Variants in TMEM63C observed in about 807,000 individuals in gnomAD.
TMEM63C encodes the protein osmosensitive cation channel TMEM63C.
Under a neutral mutation model 99.2 loss-of-function variants are expected in TMEM63C, and 32 were observed. That is an observed-to-expected ratio of 0.32 (90% CI 0.24 to 0.43). The LOEUF is 0.43. TMEM63C is among the 20% of genes least tolerant of loss of function. The probability of loss-of-function intolerance (pLI) is 1.00; values close to 1 mark genes in which losing one functional copy is unlikely to be tolerated. For synonymous variants in TMEM63C, 376 were observed against 397.9 expected, an observed-to-expected ratio of 0.94 and a Z score of 0.66; for missense variants, 826 against 1,053.0, an observed-to-expected ratio of 0.78 and a Z score of 2.98.
chr14:77,233,027 G>T (rs1427106656), intron 7 of TMEM63C, among the ~76,000 whole-genome samples: 1 of 152,188 alleles, frequency 6.6e-6, no homozygotes, highest in Non-Finnish European at 1.5e-5. Context: ...TTATAAGGGG[G>T]TGTCTGAACC....
At chr14:77,221,447 A>C (rs555899951) in intron 5 of TMEM63C, among the ~76,000 whole-genome samples, 2 of 12,542 alleles carry the variant, frequency 1.6e-4, no homozygotes, top group Non-Finnish European at 1.3e-4. Context: ...CTCACCTCCC[A>C]CTCACACCTC....
intron 1 of TMEM63C, among the ~76,000 whole-genome samples, chr14:77,192,868 C>G (rs1048498081): frequency 9.5e-5 from 14 of 147,904 alleles, no homozygotes; most frequent in South Asian, 6.3e-4. Flanking sequence ...AGAAGAAGAA[C>G]AACAACAACA....
At chr14:77,229,632 A>ATATATATATATATAT (rs59641845) in intron 6 of TMEM63C, among the ~76,000 whole-genome samples, 34 of 144,072 alleles carry the variant, frequency 2.4e-4, no homozygotes, top group Non-Finnish European at 3.5e-4. Context: ...ATATATATAT[A>ATATATATATATATAT]GTAGAGATGG....
intron 2 of TMEM63C, among the ~76,000 whole-genome samples, chr14:77,216,459 T>C (rs901801698): frequency 6.6e-6 from 1 of 152,204 alleles, no homozygotes; most frequent in Non-Finnish European, 1.5e-5. Flanking sequence ...TCCAGTCTCT[T>C]TTCTGAACTG....
intron 1 of TMEM63C, among the ~76,000 whole-genome samples, chr14:77,206,757 G>A (rs1888409518): frequency 6.6e-6 from 1 of 152,148 alleles, no homozygotes; most frequent in Admixed American, 6.5e-5. Context: ...TCAATCTCAA[G>A]CCTTCCTTTT....
chr14:77,247,415 G>T (rs1336723489), intron 18 of TMEM63C, among the ~76,000 whole-genome samples: 1 of 152,060 alleles, frequency 6.6e-6, no homozygotes, highest in Non-Finnish European at 1.5e-5. Flanking sequence ...TGGCCAGGCT[G>T]GTCTCGAACT....
rs572385668 is a variant in TMEM63C, at chr14:77,188,897, A to G, written c.-77+7003A>G. On this transcript the variant is annotated intron_variant, in intron 1 of 23. Coordinates refer to ENST00000298351, the MANE Select transcript of TMEM63C (RefSeq NM_020431.4). ...TCAACCTCAATATCTGCAAGAATAG[A>G]ATAATGAATAAAACTATGATACTGT... Among the ~76,000 whole-genome samples the G allele has an allele frequency of 2.0e-5, 3 of 152,304 alleles. No homozygotes were observed. The South Asian group carries it at 6.2e-4, about 32-fold the overall frequency.
rs1889150142 is a variant in TMEM63C at position 77,240,569 on chromosome 14, T to A, written c.1025T>A (p.Leu342Gln). Residue 342 changes from leucine to glutamine, a missense_variant, in exon 13 of 24, where the codon CTG (leucine) becomes CAG (glutamine). Coordinates refer to ENST00000298351, the MANE Select transcript of TMEM63C (RefSeq NM_020431.4). ...CGCGTGCCGCTCAAGCGGCTGGACC[T>A]GATCTTTGTCACCTTCCAGGACTCC... ...LNRVPLKRLD[L>Q]IFVTFQDSRM... 1 of 1,611,404 alleles carries A rather than the reference T, an allele frequency of 6.2e-7. No individual in the cohort carries two copies. Among genetic ancestry groups the A allele is most frequent in the Non-Finnish European group, 8.5e-7 (1 of 1,179,880 alleles).
intron 1 of TMEM63C, among the ~76,000 whole-genome samples, chr14:77,202,739 C>T (rs145635407): frequency 3.5e-4 from 54 of 152,224 alleles, no homozygotes; most frequent in African/African-American, 1.2e-3. Context: ...CATGCTTCCA[C>T]GTGGACATGC....
intron 1 of TMEM63C, among the ~76,000 whole-genome samples, chr14:77,209,069 A>G (rs1202967145): frequency 2.6e-5 from 4 of 152,158 alleles, no homozygotes; most frequent in African/African-American, 9.7e-5. Context: ...TATGAAGAGG[A>G]CAGCAAAAGC....
intron 22 of TMEM63C, 84 bp from the exon 23 acceptor site, chr14:77,253,221 A>G: frequency 8.0e-7 from 1 of 1,244,280 alleles, no homozygotes; most frequent in Non-Finnish European, 1.2e-6. Flanking sequence ...TGAGAAGCCC[A>G]GGTGTGGAGT....
Position 77,242,414 on chromosome 14 carries a change from G to A in TMEM63C, c.1132G>A (p.Val378Ile), listed in dbSNP as rs374759104. The A allele has an allele frequency of 6.4e-5, 104 of 1,613,502 alleles. No individual in the cohort carries two copies. The highest frequency in any genetic ancestry group is 7.5e-5 in the Non-Finnish European group (89 of 1,179,826). The change falls in exon 14 of 24, where the codon GTC becomes ATC. Residue 378 changes from valine to isoleucine, a missense_variant. Coordinates refer to ENST00000298351, the MANE Select transcript of TMEM63C (RefSeq NM_020431.4). ...CCAGCAGTCCTCAGTGACCACCATC[G>A]TCAAATCATATTACTGGAGGGTCAC... is the stretch of plus-strand genomic sequence containing the variant. Reference protein sequence around the residue: ...QPQQSSVTTIVKSYYWRVTMA... With the variant: ...QPQQSSVTTIIKSYYWRVTMA...
intron 1 of TMEM63C, among the ~76,000 whole-genome samples, chr14:77,203,120 G>C (rs1475568208): frequency 6.6e-6 from 1 of 152,202 alleles, no homozygotes; most frequent in Non-Finnish European, 1.5e-5. Flanking sequence ...GCTTATCCCT[G>C]TAATCCCAGC....
At chr14:77,242,282 G>T (rs1889191102) in intron 13 of TMEM63C, 65 bp from the exon 14 acceptor site, 3 of 1,572,638 alleles carry the variant, frequency 1.9e-6, no homozygotes, top group Non-Finnish European at 2.6e-6. Context: ...CCTGGCATGA[G>T]ACCCTCCTAA....
intron 1 of TMEM63C, among the ~76,000 whole-genome samples, chr14:77,194,580 T>TGTCTTTCTTTCA: frequency 6.6e-6 from 1 of 151,124 alleles, no homozygotes; most frequent in Admixed American, 6.6e-5. Context: ...TCTTTCTTTC[T>TGTCTTTCTTTCA]TCCTTTTTTT....
In TMEM63C at chr14:77,231,648, C is replaced by T. The variant is rs751255803; in HGVS notation, c.411C>T (p.Tyr137=). ...CGCGCATCTACATCGTGTTCCAGTA[C>T]CACCTCATCATCTTTGTGCTCATCA... ...DDARIYIVFQ[Y]HLIIFVLIIC... The change falls in exon 7 of 24, where the codon TAC becomes TAT. Residue 137 remains tyrosine (Y), a synonymous_variant. Coordinates refer to ENST00000298351, the MANE Select transcript of TMEM63C (RefSeq NM_020431.4). 22 of 1,551,466 alleles carry T rather than the reference C, an allele frequency of 1.4e-5. 1 individual carries two copies. In the Middle Eastern group the frequency reaches 1.3e-3, roughly 94 times the overall value.
At chr14:77,218,376 A>G (rs1178106415) in intron 2 of TMEM63C, among the ~76,000 whole-genome samples, 1 of 152,196 alleles carries the variant, frequency 6.6e-6, no homozygotes, top group Non-Finnish European at 1.5e-5. Flanking sequence ...CCCCGTCTGC[A>G]TGGGCGTTCC....
chr14:77,202,109 A>T (rs183433253), intron 1 of TMEM63C, among the ~76,000 whole-genome samples: 107 of 152,364 alleles, frequency 7.0e-4, no homozygotes, highest in African/African-American at 2.4e-3. Context: ...CCTGGAGATC[A>T]TTGGCTAAAA....
At chr14:77,209,409 C>T (rs569371727) in intron 1 of TMEM63C, among the ~76,000 whole-genome samples, 114 of 152,306 alleles carry the variant, frequency 7.5e-4, no homozygotes, top group South Asian at 1.4e-3. Context: ...TTATTCTTTC[C>T]TACCCTTGAG....
Sources: allele counts gnomAD v4.1 joint callset (sites outside exome capture counted in the v4.1 genomes callset), GRCh38; gene constraint gnomAD v4.1.1; transcripts MANE v1.5; gene names NCBI Gene and HGNC (gene_info 2026-07-23, HGNC 2026-07-21).